The following TEX11 variants were observed in gnomAD, a reference collection of about 807,000 sequenced individuals.
TEX11 encodes testis expressed 11, also known as testis-expressed protein 11.
A neutral mutation model predicts 84.4 loss-of-function variants in TEX11; 7 were observed. That is an observed-to-expected ratio of 0.08 (90% CI 0.05 to 0.16). The LOEUF is 0.16. Ranked by LOEUF, TEX11 falls within the 10% of genes least tolerant of loss-of-function variation. TEX11 has a pLI of 1.00. For synonymous variants in TEX11, 264 were observed against 222.8 expected (o/e 1.18, Z -1.64); for missense variants, 551 against 660.5 (o/e 0.83, Z 1.82).
intron 2 of TEX11, among the ~76,000 whole-genome samples, chrX:70,885,902 AAAG>A (rs2091706274): frequency 9.2e-6 from 1 of 108,354 alleles, no homozygotes; most frequent in African/African-American, 3.4e-5. Flanking sequence ...AAAAAAAAAA[AAAG>A]AAAAAGAAAG....
At chrX:70,750,966 A>ATATATATATAT (rs1411833714) in intron 9 of TEX11, among the ~76,000 whole-genome samples, 51 of 84,373 alleles carry the variant, frequency 6.0e-4, no homozygotes, top group Non-Finnish European at 9.6e-4. Flanking sequence ...ATATATATAT[A>ATATATATATAT]AAAGTCAGGA....
intron 9 of TEX11, among the ~76,000 whole-genome samples, chrX:70,791,981 C>T (rs1028868379): frequency 9.3e-6 from 1 of 107,510 alleles, no homozygotes; most frequent in African/African-American, 3.4e-5. Flanking sequence ...CAAAATTAGC[C>T]GGGCATGGTG....
intron 7 of TEX11, among the ~76,000 whole-genome samples, chrX:70,836,803 G>A (rs940164076): frequency 8.0e-5 from 9 of 111,845 alleles, no homozygotes; most frequent in Admixed American, 6.7e-4. Context: ...GATCACCTGA[G>A]GTCAGCAGTT....
At chrX:70,558,319 G>A (rs2088316614) in intron 25 of TEX11, among the ~76,000 whole-genome samples, 1 of 111,331 alleles carries the variant, frequency 9.0e-6, no homozygotes, top group African/African-American at 3.3e-5. Context: ...ATCCAATGAG[G>A]GAAAGGATAG....
chrX:70,773,371 G>A (rs757344354), intron 9 of TEX11, among the ~76,000 whole-genome samples: 26 of 111,042 alleles, frequency 2.3e-4, no homozygotes, highest in African/African-American at 8.2e-4. Flanking sequence ...AAAAGGGGTT[G>A]GGAATGATAC....
intron 9 of TEX11, among the ~76,000 whole-genome samples, chrX:70,755,947 G>A (rs2090864306): frequency 8.9e-6 from 1 of 112,606 alleles, no homozygotes; most frequent in East Asian, 2.8e-4. Context: ...GTTCCCTCCC[G>A]TGCTTGGCTC....
At chrX:70,607,577 C>CA (rs200493428) in intron 22 of TEX11, among the ~76,000 whole-genome samples, 1,636 of 92,760 alleles carry the variant, frequency 0.018, 23 homozygotes, top group African/African-American at 0.057. Flanking sequence ...AACTCCGTCT[C>CA]AAAAAAAAAA....
chrX:70,879,805 G>A (rs759800464), intron 3 of TEX11, among the ~76,000 whole-genome samples, 183 bp downstream of exon 3: 1 of 111,234 alleles, frequency 9.0e-6, no homozygotes, highest in Non-Finnish European at 1.9e-5. Context: ...TATTAAACGA[G>A]CACATATGTT....
intron 8 of TEX11, among the ~76,000 whole-genome samples, chrX:70,822,964 C>G (rs753218996): frequency 1.2e-4 from 13 of 109,492 alleles, no homozygotes; most frequent in Non-Finnish European, 1.7e-4. Context: ...GCAAACACCT[C>G]CCACTAAGCC....
chrX:70,599,521 T>C (rs2089060784), intron 24 of TEX11, among the ~76,000 whole-genome samples: 2 of 14,358 alleles, frequency 1.4e-4, no homozygotes, highest in African/African-American at 1.1e-4. Flanking sequence ...CAAGTATTCT[T>C]TTTTTTTTAT....
intron 11 of TEX11, among the ~76,000 whole-genome samples, chrX:70,735,204 C>T (rs2090686533): frequency 9.0e-6 from 1 of 110,958 alleles, no homozygotes; most frequent in Non-Finnish European, 1.9e-5. Flanking sequence ...AGGCATGCAC[C>T]ACCATGTCTG....
At chrX:70,817,128 G>A (rs1287692046) in intron 8 of TEX11, among the ~76,000 whole-genome samples, 1 of 33,216 alleles carries the variant, frequency 3.0e-5, no homozygotes, top group Non-Finnish European at 5.6e-5. Flanking sequence ...ATAGAAGATA[G>A]ATAGATAATA....
intron 13 of TEX11, among the ~76,000 whole-genome samples, chrX:70,701,306 G>C (rs2090324331): frequency 8.9e-6 from 1 of 112,103 alleles, no homozygotes; most frequent in South Asian, 3.7e-4. Context: ...GTGGCTTTAA[G>C]TTGAAACCAA....
chrX:70,702,246 C>T (rs1189591462), intron 13 of TEX11, among the ~76,000 whole-genome samples: 1 of 111,447 alleles, frequency 9.0e-6, no homozygotes, highest in Admixed American at 9.6e-5. Flanking sequence ...AAGCAATTGC[C>T]ATAGCCACCC....
chrX:70,548,878 C>T (rs2088174294), intron 28 of TEX11, among the ~76,000 whole-genome samples: 1 of 111,543 alleles, frequency 9.0e-6, no homozygotes, highest in Non-Finnish European at 1.9e-5. Context: ...CTGTGCTGGG[C>T]TTGGAGCCAG....
intron 8 of TEX11, among the ~76,000 whole-genome samples, chrX:70,824,598 G>T: frequency 9.0e-6 from 1 of 110,759 alleles, no homozygotes; most frequent in Non-Finnish European, 1.9e-5. Flanking sequence ...TGCAACTGCA[G>T]ATTATGGATA....
At chrX:70,725,190 CA>C in intron 12 of TEX11, 71 bp downstream of exon 12, 1 of 737,750 alleles carries the variant, frequency 1.4e-6, no homozygotes, top group East Asian at 3.3e-5. Context: ...TAGTATACTA[CA>C]AAAGATCTTA....
intron 13 of TEX11, among the ~76,000 whole-genome samples, chrX:70,690,567 G>A (rs2090225587): frequency 9.0e-6 from 1 of 110,796 alleles, no homozygotes; most frequent in African/African-American, 3.3e-5. Context: ...TTAGCTGAGT[G>A]TGGTGGTGTG....
At chrX:70,802,252 G>C (rs1206966513) in intron 9 of TEX11, among the ~76,000 whole-genome samples, 2 of 111,597 alleles carry the variant, frequency 1.8e-5, no homozygotes, top group African/African-American at 3.2e-5. Flanking sequence ...GTAGACATAA[G>C]AGACACCTTA....
Sources: gnomAD v4.1 joint callset for allele counts (sites outside exome capture counted in the v4.1 genomes callset) on GRCh38, gnomAD v4.1.1 for gene constraint, MANE v1.5 for transcripts, NCBI Gene and HGNC (gene_info 2026-07-23, HGNC 2026-07-21) for gene names.